TTC17: variants seen among roughly 807,000 people sequenced by gnomAD.
TTC17 encodes tetratricopeptide repeat protein 17.
TTC17 carries 58 observed loss-of-function variants against 143.8 expected under a neutral mutation model. The ratio of observed to expected loss-of-function variants is 0.40; its 90% CI spans 0.33 to 0.50. The LOEUF (loss-of-function observed/expected upper bound fraction) is 0.50. TTC17 is among the 20% of genes least tolerant of loss of function. TTC17 has a pLI of 0.49. For synonymous variants in TTC17, 501 were observed against 497.8 expected (o/e 1.01, Z -0.09); for missense variants, 1,273 against 1,392.5 (o/e 0.91, Z 1.37).
At chr11:43,385,711 TAAAAAGA>T (rs1178733805) in intron 2 of TTC17, 1 of 132,348 alleles carries the variant, frequency 7.6e-6, no homozygotes, top group East Asian at 2.2e-4. Context: ...AGCTTGTCTT[TAAAAAGA>T]AAAAAAAAAA....
chr11:43,378,935 A>G (rs1472252763), intron 1 of TTC17: 2 of 285,798 alleles, frequency 7.0e-6, no homozygotes, highest in Non-Finnish European at 1.3e-5. Context: ...TCATTTAAGG[A>G]AGTTACTTTA....
chr11:43,398,324 A>C (rs1857705131), intron 8 of TTC17, among the ~76,000 whole-genome samples: 1 of 152,230 alleles, frequency 6.6e-6, no homozygotes, highest in South Asian at 2.1e-4. Flanking sequence ...GGATTCCTGC[A>C]ACTAGAGAAT....
At chr11:43,460,105 ATT>A (rs544240364) in intron 21 of TTC17, among the ~76,000 whole-genome samples, 4 of 146,382 alleles carry the variant, frequency 2.7e-5, no homozygotes, top group Non-Finnish European at 1.5e-5. Flanking sequence ...AACACCCTGG[ATT>A]TTTTTTTTTT....
At chr11:43,418,925 A>G (rs1370959591) in intron 16 of TTC17, among the ~76,000 whole-genome samples, 1 of 152,206 alleles carries the variant, frequency 6.6e-6, no homozygotes. Context: ...TTCTACTACT[A>G]AAGTAATCTA....
chr11:43,391,827 C>A lies in TTC17; in HGVS notation c.538C>A (p.Gln180Lys), dbSNP rs1380531711. ...IHAFQHLRGV[Q>K]ERVNLSAPLL... is the part of the protein sequence containing the mutation. ...ATCTTTTTCTTCTCTTCAGGGTGTA[C>A]AGGAGAGAGTTAATCTTTCTGCACC... Residue 180 changes from glutamine (Q) to lysine (K), a missense_variant, in exon 5 of 24, where the codon CAG becomes AAG. By Grantham distance (53) the Gln-to-Lys change is moderately conservative. Around this residue, in one of 3 missense-constraint regions of TTC17, gnomAD observed 325 missense variants for 444.2 expected, o/e 0.73. Coordinates refer to ENST00000039989, the MANE Select transcript of TTC17 (RefSeq NM_018259.6). The A allele has an allele frequency of 6.2e-7, 1 of 1,612,668 alleles. No homozygotes were observed. The highest frequency in any genetic ancestry group is 1.3e-5 in the African/African-American group (1 of 74,908).
In TTC17 at chr11:43,450,018, C is replaced by G. The variant is rs937436345; in HGVS notation, c.2787-64C>G. 2.6e-6 allele frequency: 4 copies of G among 1,536,778 alleles called. No homozygotes were observed. The African/African-American group carries it at 5.5e-5, about 21-fold the overall frequency. On this transcript the variant is annotated intron_variant, in intron 19 of 23. Coordinates refer to ENST00000039989, the MANE Select transcript of TTC17 (RefSeq NM_018259.6). ...GTCTCTCCTTGATTGTTAATGCTGT[C>G]TCTCTTCTCTTCCCACCCACTCAAA...
At chr11:43,443,280 G>C in intron 16 of TTC17, 45 bp from the exon 17 acceptor site, 6 of 1,597,862 alleles carry the variant, frequency 3.8e-6, no homozygotes, top group Non-Finnish European at 5.1e-6. Flanking sequence ...GGTCTTGAAT[G>C]AGTACTGTGT....
At chr11:43,372,717 C>T (rs1856616764) in intron 1 of TTC17, among the ~76,000 whole-genome samples, 1 of 152,022 alleles carries the variant, frequency 6.6e-6, no homozygotes, top group Non-Finnish European at 1.5e-5. Context: ...TCTTGAACTC[C>T]TGACCTTAGG....
At chr11:43,455,001 C>A (rs186821831) in intron 21 of TTC17, among the ~76,000 whole-genome samples, 1 of 151,620 alleles carries the variant, frequency 6.6e-6, no homozygotes, top group African/African-American at 2.4e-5. Context: ...ATAGAATATT[C>A]ATTCATGAAA....
chr11:43,463,821 A>G (rs571111247), intron 21 of TTC17, among the ~76,000 whole-genome samples: 7 of 152,370 alleles, frequency 4.6e-5, no homozygotes, highest in African/African-American at 1.7e-4. Flanking sequence ...ACATACATGA[A>G]GCCTTTAATT....
intron 21 of TTC17, among the ~76,000 whole-genome samples, chr11:43,454,769 A>C (rs1947730481): frequency 6.6e-6 from 1 of 152,068 alleles, no homozygotes; most frequent in East Asian, 1.9e-4. Context: ...GTTTACAATA[A>C]ATTTGTAATA....
At chr11:43,372,305 C>T (rs75926134) in intron 1 of TTC17, among the ~76,000 whole-genome samples, 12,360 of 150,260 alleles carry the variant, frequency 0.082, 839 homozygotes, top group Admixed American at 0.23. Flanking sequence ...TAAAAAGGTT[C>T]ATGGGTTTTT....
chr11:43,458,031 A>G (rs573451008), intron 21 of TTC17, among the ~76,000 whole-genome samples: 10 of 152,308 alleles, frequency 6.6e-5, no homozygotes, highest in African/African-American at 2.2e-4. Context: ...GCCAGGAGGA[A>G]AAATATTATT....
chr11:43,443,216 T>C, intron 16 of TTC17, 109 bp from the exon 17 acceptor site: 2 of 1,270,652 alleles, frequency 1.6e-6, no homozygotes, highest in Non-Finnish European at 2.2e-6. Context: ...GCTATAGTAG[T>C]GCCTCTAAGC....
chr11:43,446,767 C>G, intron 18 of TTC17: 1 of 752,812 alleles, frequency 1.3e-6, no homozygotes. Context: ...TTCAGAAAAC[C>G]CTTCCCAGAC....
At chr11:43,470,896 A>C (rs1430335539) in intron 21 of TTC17, among the ~76,000 whole-genome samples, 1 of 152,136 alleles carries the variant, frequency 6.6e-6, no homozygotes, top group Non-Finnish European at 1.5e-5. Flanking sequence ...AACAAAGTAA[A>C]AGTGCCCCTT....
intron 8 of TTC17, among the ~76,000 whole-genome samples, chr11:43,398,636 T>C (rs563183141): frequency 3.3e-5 from 5 of 152,338 alleles, no homozygotes; most frequent in Admixed American, 1.3e-4. Flanking sequence ...GGTTGTACAG[T>C]AATGGAATTC....
chr11:43,467,699 G>A (rs1004636478), intron 21 of TTC17, among the ~76,000 whole-genome samples: 9 of 152,256 alleles, frequency 5.9e-5, no homozygotes, highest in African/African-American at 1.9e-4. Context: ...CAGATGATTA[G>A]TCACAGCAGA....
chr11:43,471,501 T>C (rs1030716371), intron 21 of TTC17, among the ~76,000 whole-genome samples: 1 of 152,228 alleles, frequency 6.6e-6, no homozygotes, highest in Non-Finnish European at 1.5e-5. Context: ...AAATCATTTT[T>C]GCCAACCAGC....
Sources: gnomAD v4.1 joint callset for allele counts (sites outside exome capture counted in the v4.1 genomes callset) on GRCh38, gnomAD v4.1.1 for gene constraint, gnomAD v4.1.1 regional missense constraint, MANE v1.5 for transcripts, NCBI Gene and HGNC (gene_info 2026-07-23, HGNC 2026-07-21) for gene names.